The following EYA4 variants were observed in gnomAD, a reference collection of about 807,000 sequenced individuals.
The protein encoded by EYA4 is EYA transcriptional coactivator and phosphatase 4.
EYA4 carries 31 observed loss-of-function variants against 87.9 expected under a neutral mutation model. The ratio of observed to expected loss-of-function variants is 0.35; its 90% confidence interval spans 0.27 to 0.48. The LOEUF is 0.48. EYA4 is among the 20% of genes least tolerant of loss of function. The probability of loss-of-function intolerance (pLI) is 0.99; values close to 1 mark genes in which losing one functional copy is unlikely to be tolerated. For missense variants in EYA4, 678 were observed against 761.4 expected (o/e 0.89, Z 1.29); for synonymous variants, 263 against 270.6 (o/e 0.97, Z 0.28).
intron 2 of EYA4, among the ~76,000 whole-genome samples, chr6:133,302,338 G>A (rs185920257): frequency 1.0e-3 from 159 of 152,254 alleles, no homozygotes; most frequent in Non-Finnish European, 1.6e-3. Flanking sequence ...TCTGTCAGGA[G>A]TCCAAGATCA....
At chr6:133,506,588 G>C (rs565850270) in intron 14 of EYA4, among the ~76,000 whole-genome samples, 1 of 152,218 alleles carries the variant, frequency 6.6e-6, no homozygotes, top group South Asian at 2.1e-4. Flanking sequence ...TTAATTTTGT[G>C]GATAATCTGA....
At position 133,525,165 on chromosome 6, in the gene EYA4, T is replaced by G. The variant is rs1171944081; in HGVS notation, c.1750T>G (p.Cys584Gly). 2.5e-6 allele frequency: 4 copies of G among 1,613,758 alleles called. No individual in the cohort carries two copies. The Admixed American group carries it at 6.7e-5, about 27-fold the overall frequency. The change falls in exon 19 of 20, where the codon TGC (cysteine) becomes GGC (glycine). Residue 584 changes from cysteine to glycine, a missense_variant. Transcript: ENST00000355286. ...CATTTATCTTCCAGGAAAAGAAAGT[T>G]GCTTTGAACGAATAATGCAAAGGTT... ...YSATKIGKES[C>G]FERIMQRFGR...
chr6:133,458,182 A>G (rs1794064952), intron 6 of EYA4, among the ~76,000 whole-genome samples: 1 of 152,212 alleles, frequency 6.6e-6, no homozygotes, highest in Non-Finnish European at 1.5e-5. Flanking sequence ...AGAAGTATCT[A>G]GGGACGTGCT....
intron 1 of EYA4, among the ~76,000 whole-genome samples, chr6:133,259,522 T>C (rs1775620259): frequency 6.6e-6 from 1 of 152,210 alleles, no homozygotes; most frequent in Non-Finnish European, 1.5e-5. Context: ...TATATTCAAA[T>C]GCTACAGGGG....
intron 3 of EYA4, among the ~76,000 whole-genome samples, chr6:133,396,262 G>C (rs212803): frequency 0.86 from 130,882 of 152,202 alleles, 57,283 homozygotes; most frequent in Non-Finnish European, 0.95. Flanking sequence ...CAAGAACATA[G>C]ACAGTCTTAT....
At chr6:133,313,762 T>C (rs1227632086) in intron 2 of EYA4, among the ~76,000 whole-genome samples, 1 of 152,196 alleles carries the variant, frequency 6.6e-6, no homozygotes, top group Non-Finnish European at 1.5e-5. Flanking sequence ...CTTACACAGT[T>C]GTTAGAGTAG....
rs1163569455 is a variant in EYA4, at chr6:133,391,568, A to G, written c.83+9127A>G. On this transcript the variant is annotated intron_variant, in intron 3 of 19. Transcript: ENST00000355286. Reference sequence around the variant, plus strand: ...CTCCAGGCCACACAACAAGAGGAAAATGCCCATGTGACACTGCTCCTGATT... The same window carrying G: ...CTCCAGGCCACACAACAAGAGGAAAGTGCCCATGTGACACTGCTCCTGATT... Among the ~76,000 whole-genome samples the G allele has an allele frequency of 2.0e-5, 3 of 152,120 alleles. No homozygotes were observed. In the East Asian group the frequency reaches 5.8e-4, roughly 29 times the overall value.
intron 3 of EYA4, among the ~76,000 whole-genome samples, chr6:133,436,865 A>G (rs17639928): frequency 0.027 from 4,129 of 152,278 alleles, 115 homozygotes; most frequent in Admixed American, 0.091. Flanking sequence ...ATGACTCATT[A>G]CCAGGATCTG....
intron 2 of EYA4, among the ~76,000 whole-genome samples, chr6:133,335,334 C>T (rs775106495): frequency 5.3e-5 from 8 of 152,282 alleles, no homozygotes; most frequent in African/African-American, 1.9e-4. Flanking sequence ...CACTTTCATT[C>T]TATCTTTAAA....
At chr6:133,322,692 A>G (rs1781184969) in intron 2 of EYA4, among the ~76,000 whole-genome samples, 1 of 152,218 alleles carries the variant, frequency 6.6e-6, no homozygotes, top group Non-Finnish European at 1.5e-5. Context: ...GGCACATTGT[A>G]TCATAAGACT....
intron 19 of EYA4, 135 bp downstream of exon 19, chr6:133,525,389 G>GTCAA (rs1800552878): frequency 1.3e-6 from 1 of 769,344 alleles, no homozygotes; most frequent in Admixed American, 2.0e-5. Context: ...GCATGAGAGG[G>GTCAA]TCAATACTTA....
intron 3 of EYA4, among the ~76,000 whole-genome samples, chr6:133,392,684 A>G (rs141277211): frequency 2.6e-5 from 4 of 152,346 alleles, no homozygotes; most frequent in African/African-American, 9.6e-5. Flanking sequence ...AAATACATGC[A>G]TATAAAGCCT....
chr6:133,372,574 A>T (rs774159796), intron 2 of EYA4, among the ~76,000 whole-genome samples: 1 of 150,172 alleles, frequency 6.7e-6, no homozygotes, highest in Non-Finnish European at 1.5e-5. Flanking sequence ...CTATAAATAC[A>T]TTTTTTTTTA....
chr6:133,378,579 T>C (rs1562349994), intron 2 of EYA4, among the ~76,000 whole-genome samples: 1 of 152,128 alleles, frequency 6.6e-6, no homozygotes, highest in Non-Finnish European at 1.5e-5. Context: ...TGAAATTTGC[T>C]ACATAACTTG....
At chr6:133,436,174 G>C (rs560295980) in intron 3 of EYA4, among the ~76,000 whole-genome samples, 1 of 151,766 alleles carries the variant, frequency 6.6e-6, no homozygotes, top group Non-Finnish European at 1.5e-5. Flanking sequence ...AGCCAAGATC[G>C]TGCCGTTGCA....
chr6:133,357,850 A>G (rs1165321605), intron 2 of EYA4, among the ~76,000 whole-genome samples: 3 of 151,960 alleles, frequency 2.0e-5, no homozygotes, highest in Non-Finnish European at 4.4e-5. Flanking sequence ...TCATTTTGGG[A>G]AAAATAGTTT....
chr6:133,515,764 C>G (rs892419466), intron 17 of EYA4, among the ~76,000 whole-genome samples: 6 of 151,740 alleles, frequency 4.0e-5, no homozygotes, highest in Non-Finnish European at 8.8e-5. Context: ...TACATGACTT[C>G]TAATGAAAAA....
chr6:133,365,829 G>T (rs566871482), intron 2 of EYA4, among the ~76,000 whole-genome samples: 1 of 152,210 alleles, frequency 6.6e-6, no homozygotes, highest in East Asian at 1.9e-4. Flanking sequence ...CTCTGGATTG[G>T]TTAGCTGCAT....
At chr6:133,451,033 G>C (rs777581260) in intron 5 of EYA4, among the ~76,000 whole-genome samples, 3 of 152,140 alleles carry the variant, frequency 2.0e-5, no homozygotes, top group Non-Finnish European at 4.4e-5. Context: ...TATAGAGATA[G>C]CATAAATGCA....
Sources: allele counts gnomAD v4.1 joint callset (sites outside exome capture counted in the v4.1 genomes callset), GRCh38; gene constraint gnomAD v4.1.1; transcripts MANE v1.5; gene names NCBI Gene and HGNC (gene_info 2026-07-23, HGNC 2026-07-21).